Variants in STK32B observed in about 807,000 individuals in gnomAD.
The protein encoded by STK32B is serine/threonine kinase 32B.
In STK32B, 43 loss-of-function variants were observed where a neutral mutation model predicts 52.6. The ratio of observed to expected loss-of-function variants is 0.82; its 90% CI spans 0.64 to 1.05. STK32B has a LOEUF of 1.05. Ranked by LOEUF, STK32B falls within the 50% of genes least tolerant of loss-of-function variation. STK32B has a pLI of 0.00. For missense variants in STK32B, 621 were observed against 534.6 expected (o/e 1.16, Z -1.59); for synonymous variants, 238 against 204.3 (o/e 1.17, Z -1.41).
intron 3 of STK32B, among the ~76,000 whole-genome samples, chr4:5,283,419 A>T (rs747875419): frequency 2.0e-5 from 3 of 152,216 alleles, no homozygotes; most frequent in Non-Finnish European, 4.4e-5. Context: ...AAGAAAACAT[A>T]TTTAAGGAAA....
chr4:5,021,746 T>A, the STK32B span, among the ~76,000 whole-genome samples: 1 of 152,326 alleles, frequency 6.6e-6, no homozygotes, highest in South Asian at 2.1e-4. Flanking sequence ...GTAAATCAGC[T>A]GAGCTCAGAG....
intron 9 of STK32B, among the ~76,000 whole-genome samples, chr4:5,465,118 C>A (rs942755280): frequency 1.3e-5 from 2 of 152,126 alleles, no homozygotes; most frequent in Non-Finnish European, 2.9e-5. Flanking sequence ...TGAGGCCCAG[C>A]CTCTAGGACT....
At chr4:5,442,272 A>ACTTTGTAGTTCACTCAGGACT (rs928184014) in intron 6 of STK32B, among the ~76,000 whole-genome samples, 1 of 151,100 alleles carries the variant, frequency 6.6e-6, no homozygotes, top group African/African-American at 2.4e-5. Context: ...GACTTGCTTC[A>ACTTTGTAGTTCACTCAGGACT]TGAATCTTGG....
intron 3 of STK32B, among the ~76,000 whole-genome samples, chr4:5,233,064 C>T (rs1724384114): frequency 6.6e-6 from 1 of 152,150 alleles, no homozygotes; most frequent in African/African-American, 2.4e-5. Context: ...TAAATAGTCC[C>T]TTTGCTAAAA....
Position 5,203,617 on chromosome 4 carries a change from T to A in STK32B, c.260+35167T>A, listed in dbSNP as rs184818790. The stretch of plus-strand genomic sequence containing the variant: ...AGAGGACATGTTCCTTTTACTCTGT[T>A]ATGTCCTCAGTGCCTACCATACTGC... On this transcript the variant is annotated intron_variant, in intron 3 of 11. Transcript: ENST00000282908. Among the ~76,000 whole-genome samples, 4 of 152,348 alleles carry A rather than the reference T, an allele frequency of 2.6e-5. No individual in the cohort carries two copies. The East Asian group carries it at 7.7e-4, about 29-fold the overall frequency.
rs375660139 is a variant in STK32B at position 5,159,686 on chromosome 4, AATATAT to A, written c.109-8610_109-8605del. On this transcript the variant is annotated intron_variant, in intron 2 of 11. Transcript: ENST00000282908. ...ATGAATGTATATGAATATATATATG[AATATAT>A]ATGAATATATATGAATATATATATG... Among the ~76,000 whole-genome samples, 18 of 59,172 alleles carry A rather than the reference AATATAT, an allele frequency of 3.0e-4. 2 individuals carry two copies. The highest frequency in any genetic ancestry group is 4.3e-4 in the Non-Finnish European group (12 of 27,754). The allele number at this position is 59,172 out of a possible 152,430, so 38.8% of individuals were successfully genotyped here.
At chr4:5,273,965 C>G (rs1250021897) in intron 3 of STK32B, among the ~76,000 whole-genome samples, 2 of 151,008 alleles carry the variant, frequency 1.3e-5, no homozygotes, top group Non-Finnish European at 2.9e-5. Flanking sequence ...ACAATGTGCA[C>G]ATGTACCCTA....
chr4:5,341,581 C>G (rs1050071364), intron 4 of STK32B, among the ~76,000 whole-genome samples: 2 of 152,136 alleles, frequency 1.3e-5, no homozygotes, highest in African/African-American at 4.8e-5. Context: ...TCTAGGCAAC[C>G]AAGGAATAAA....
intron 3 of STK32B, among the ~76,000 whole-genome samples, chr4:5,294,289 G>A (rs11731580): frequency 0.025 from 3,805 of 151,592 alleles, 85 homozygotes; most frequent in East Asian, 0.072. Context: ...TTGGTTCCAT[G>A]TGAAATTTAA....
chr4:5,377,824 G>A (rs1357163911), intron 4 of STK32B, among the ~76,000 whole-genome samples: 1 of 152,148 alleles, frequency 6.6e-6, no homozygotes, highest in African/African-American at 2.4e-5. Context: ...GTTTCCTGAG[G>A]CTTCCTCAGC....
intron 11 of STK32B, among the ~76,000 whole-genome samples, chr4:5,487,987 G>A (rs550532186): frequency 1.2e-4 from 18 of 152,280 alleles, no homozygotes; most frequent in African/African-American, 3.4e-4. Flanking sequence ...AAAAAAGAGA[G>A]TTGAATTTGA....
chr4:5,092,427 G>A (rs1436098144), intron 1 of STK32B, among the ~76,000 whole-genome samples: 1 of 152,072 alleles, frequency 6.6e-6, no homozygotes, highest in Non-Finnish European at 1.5e-5. Flanking sequence ...AGCTACTCGG[G>A]AGGCTGAGGC....
At chr4:5,351,721 A>C (rs1332571275) in intron 4 of STK32B, among the ~76,000 whole-genome samples, 2 of 152,008 alleles carry the variant, frequency 1.3e-5, no homozygotes, top group African/African-American at 4.8e-5. Flanking sequence ...AGCTTGACTA[A>C]ATAAGAAAAA....
At chr4:5,169,602 C>G (rs1719194601) in intron 3 of STK32B, among the ~76,000 whole-genome samples, 1 of 151,950 alleles carries the variant, frequency 6.6e-6, no homozygotes, top group Admixed American at 6.6e-5. Context: ...ATGGGCATTG[C>G]CATGGAGAAA....
intron 7 of STK32B, chr4:5,447,173 T>C (rs1715536780): frequency 6.3e-6 from 1 of 159,692 alleles, no homozygotes; most frequent in African/African-American, 2.4e-5. Flanking sequence ...TTTTTTCTCT[T>C]TGTTTCACAT....
intron 3 of STK32B, 78 bp from the exon 4 acceptor site, chr4:5,331,142 T>C (rs1340267547): frequency 7.1e-7 from 1 of 1,399,984 alleles, no homozygotes; most frequent in Non-Finnish European, 9.7e-7. Flanking sequence ...TTTGCTCTTC[T>C]GTAAAATGGA....
intron 2 of STK32B, among the ~76,000 whole-genome samples, chr4:5,150,341 G>C (rs528329346): frequency 1.7e-4 from 26 of 152,118 alleles, no homozygotes; most frequent in African/African-American, 6.3e-4. Flanking sequence ...ACAACATCTG[G>C]GTCATCATAA....
chr4:5,485,234 T>A (rs1397773606), intron 11 of STK32B, among the ~76,000 whole-genome samples: 1 of 152,176 alleles, frequency 6.6e-6, no homozygotes, highest in Non-Finnish European at 1.5e-5. Flanking sequence ...ACCAATCAGA[T>A]GTAGATTTGG....
intron 4 of STK32B, among the ~76,000 whole-genome samples, chr4:5,362,121 C>T (rs540375639): frequency 3.0e-4 from 46 of 152,228 alleles, no homozygotes; most frequent in Middle Eastern, 6.8e-3. Context: ...GTATAGAACA[C>T]ATTTTTAAGC....
Sources: allele counts gnomAD v4.1 joint callset (sites outside exome capture counted in the v4.1 genomes callset), GRCh38; gene constraint gnomAD v4.1.1; transcripts MANE v1.5; gene names NCBI Gene and HGNC (gene_info 2026-07-23, HGNC 2026-07-21).